Variants in YARS1 observed in about 807,000 individuals in gnomAD.
YARS1 encodes tyrosyl-tRNA synthetase 1, also known as tyrosine--tRNA ligase, cytoplasmic.
Under a neutral mutation model 62.2 loss-of-function variants are expected in YARS1, and 36 were observed. The ratio of observed to expected loss-of-function variants is 0.58; its 90% confidence interval spans 0.44 to 0.76. The LOEUF (loss-of-function observed/expected upper bound fraction) is 0.76. Among genes scored for constraint, YARS1 ranks in the 30% least tolerant of loss-of-function variants. The pLI is 0.00. For missense variants in YARS1, 524 were observed against 639.8 expected (o/e 0.82, Z 1.95); for synonymous variants, 234 against 244.9 (o/e 0.96, Z 0.42).
chr1:32,787,726 G>A (rs933667420), intron 6 of YARS1, among the ~76,000 whole-genome samples: 8 of 152,110 alleles, frequency 5.3e-5, no homozygotes, highest in African/African-American at 1.9e-4. Flanking sequence ...TGGTAGCCAG[G>A]ATGGTCTCGA....
intron 4 of YARS1, among the ~76,000 whole-genome samples, chr1:32,804,681 C>T (rs1425148201): frequency 2.0e-5 from 3 of 151,200 alleles, no homozygotes; most frequent in African/African-American, 2.4e-5. Flanking sequence ...GATGGGCAGC[C>T]GGGCAGAGAC....
At chr1:32,802,654 G>C (rs771861264) in intron 4 of YARS1, among the ~76,000 whole-genome samples, 2 of 152,148 alleles carry the variant, frequency 1.3e-5, no homozygotes, top group Admixed American at 1.3e-4. Context: ...TAGGTGATCA[G>C]GTGCACTGTC....
intron 11 of YARS1, chr1:32,779,873 A>G: frequency 1.5e-6 from 1 of 656,796 alleles, no homozygotes; most frequent in Non-Finnish European, 2.6e-6. Context: ...TGAGCCCTCC[A>G]TTTCTATTTT....
Position 32,786,966 on chromosome 1 carries a change from T to C in YARS1, c.794A>G (p.Lys265Arg). ...VENNGVLSFI[K>R]HVLFPLKSEF... ...GGACTTAAGGGGAAAAAGGACATGC[T>C]TGATGAAGGACAGAACCCCATTGTT... The change falls in exon 7 of 13, where the codon AAG becomes AGG. Residue 265 changes from lysine (K) to arginine (R), a missense_variant. By Grantham distance (26) the Lys-to-Arg change is conservative. Transcript: ENST00000373477. 6.2e-7 allele frequency: 1 copy of C among 1,614,140 alleles called. No homozygotes were observed. Among genetic ancestry groups the C allele is most frequent in the Non-Finnish European group, 8.5e-7 (1 of 1,180,024 alleles).
At position 32,775,707 on chromosome 1, in the gene YARS1, C is replaced by G. The variant is rs2148597220; in HGVS notation, c.*274G>C. 1 of 528,610 alleles carries G rather than the reference C, an allele frequency of 1.9e-6. No individual in the cohort carries two copies. The highest frequency in any genetic ancestry group is 3.2e-5 in the East Asian group (1 of 31,434). 32.7% of individuals were successfully genotyped at this position (528,610 alleles called of 1,614,324 possible). A position where few individuals can be genotyped will look rare whatever the true frequency, so the allele number is the denominator to read the frequency against. On this transcript the variant is annotated 3_prime_UTR_variant, in exon 13 of 13. Transcript: ENST00000373477. ...AATTTTTAAATGAGTTATATTGAAA[C>G]CAGATTTCTCCAGCTGCCAAGGGAA...
At position 32,816,993 on chromosome 1, in the gene YARS1, T is replaced by C. The variant is rs912976930; in HGVS notation, c.57+195A>G. The C allele has an allele frequency of 1.2e-5, 8 of 688,678 alleles. No homozygotes were observed. In the African/African-American group the frequency reaches 1.4e-4, roughly 12 times the overall value. 42.7% of individuals were successfully genotyped at this position (688,678 alleles called of 1,614,324 possible). On this transcript the variant is annotated intron_variant, in intron 1 of 12. Transcript: ENST00000373477. Reference sequence around the variant, plus strand: ...AACTGGACGCAAGAGGTGAGCCCACTGTGATTTCTGGGGAACCCAGGGAAG... The same window carrying C: ...AACTGGACGCAAGAGGTGAGCCCACCGTGATTTCTGGGGAACCCAGGGAAG...
chr1:32,782,835 C>T, intron 8 of YARS1: 1 of 392,016 alleles, frequency 2.6e-6, no homozygotes, highest in Non-Finnish European at 4.8e-6. Flanking sequence ...CACAGACCAA[C>T]TGGTATTTAC....
intron 5 of YARS1, among the ~76,000 whole-genome samples, chr1:32,791,694 C>T (rs532461972): frequency 2.7e-4 from 41 of 152,060 alleles, no homozygotes; most frequent in African/African-American, 9.4e-4. Context: ...CCCAGCTACT[C>T]GGGAGGCTGA....
intron 5 of YARS1, among the ~76,000 whole-genome samples, 155 bp from the exon 6 acceptor site, chr1:32,791,409 A>C (rs1653408054): frequency 1.3e-5 from 2 of 152,210 alleles, no homozygotes; most frequent in South Asian, 4.1e-4. Flanking sequence ...CTGTAATTCA[A>C]GCGAAGTTTT....
In YARS1 at chr1:32,776,606, GACATCTGTC is replaced by G. The variant is rs1224697674; in HGVS notation, c.1477-524_1477-516del. Among the ~76,000 whole-genome samples the G allele has an allele frequency of 8.5e-5, 13 of 152,194 alleles. No individual in the cohort carries two copies. Among genetic ancestry groups the G allele is most frequent in the African/African-American group, 1.9e-4 (8 of 41,456 alleles). ...CTAAGTGCAAAGGCTTATGCATGAA[GACATCTGTC>G]ACATCTGTCACATCATTCTAACAGT... On this transcript the variant is annotated intron_variant, in intron 12 of 12. Coordinates refer to ENST00000373477, the MANE Select transcript of YARS1 (RefSeq NM_003680.4). The surrounding 1 kb of genome is among the most constrained non-coding windows in gnomAD (Gnocchi z 4.0).
chr1:32,801,014 G>A (rs1361264333), intron 4 of YARS1, among the ~76,000 whole-genome samples: 2 of 152,140 alleles, frequency 1.3e-5, no homozygotes, highest in African/African-American at 2.4e-5. Flanking sequence ...ATATCGCTCT[G>A]AAGTTTATTT....
At chr1:32,811,437 C>A (rs1638583672) in intron 1 of YARS1, 2 of 341,022 alleles carry the variant, frequency 5.9e-6, no homozygotes, top group Admixed American at 4.1e-5. Context: ...GTTGATATTA[C>A]CCTAAGCCCC....
chr1:32,811,311 ACC>A, intron 1 of YARS1: 2 of 534,434 alleles, frequency 3.7e-6, no homozygotes. Flanking sequence ...CCTCTTACCC[ACC>A]CCCCTTCCTC....
At chr1:32,806,801 T>G in intron 3 of YARS1, among the ~76,000 whole-genome samples, 190 bp from the exon 4 acceptor site, 1 of 152,250 alleles carries the variant, frequency 6.6e-6, no homozygotes. Context: ...TATTTAATTA[T>G]GTTCTTGCTT....
rs1365758985 is a variant in YARS1 at position 32,779,467 on chromosome 1, C to T, written c.1391G>A (p.Gly464Asp). ...ATAGCCCTTCACAAACACGTGCTCA[C>T]CAGGAGCAGAGCCTGCCGGAGGGTC... ...PLDPPAGSAP[G>D]EHVFVKGYEK... Residue 464 changes from glycine (G) to aspartate (D), a missense_variant, in exon 12 of 13, where the codon GGT becomes GAT. By Grantham distance (94) the Gly-to-Asp change is moderately conservative. Coordinates refer to ENST00000373477, the MANE Select transcript of YARS1 (RefSeq NM_003680.4). 1 of 1,614,216 alleles carries T rather than the reference C, an allele frequency of 6.2e-7. No homozygotes were observed. The highest frequency in any genetic ancestry group is 8.5e-7 in the Non-Finnish European group (1 of 1,180,050).
At chr1:32,778,976 G>A (rs888476203) in intron 12 of YARS1, among the ~76,000 whole-genome samples, 1 of 151,250 alleles carries the variant, frequency 6.6e-6, no homozygotes, top group Non-Finnish European at 1.5e-5. Flanking sequence ...CTGACCTCAG[G>A]TGATCCGCCT....
chr1:32,779,843 G>C (rs921125616), intron 11 of YARS1: 4 of 616,910 alleles, frequency 6.5e-6, no homozygotes, highest in Non-Finnish European at 1.1e-5. Context: ...CTAGTAGTAA[G>C]ACTTGGGTAT....
rs572158552 is a variant in YARS1 at position 32,803,599 on chromosome 1, A to G, written c.510+2883T>C. The stretch of plus-strand genomic sequence containing the variant: ...TCTAGCTACGAAAGTCCGAGATGGC[A>G]TCTTCTTCCGAAAAAAGGCTATTTC... On this transcript the variant is annotated intron_variant, in intron 4 of 12. Coordinates refer to ENST00000373477, the MANE Select transcript of YARS1 (RefSeq NM_003680.4). Among the ~76,000 whole-genome samples, 3 of 152,296 alleles carry G rather than the reference A, an allele frequency of 2.0e-5. No individual in the cohort carries two copies. In the South Asian group the frequency reaches 6.2e-4, roughly 32 times the overall value.
chr1:32,806,697 CCCTAA>C (rs1353459268), intron 3 of YARS1, 86 bp from the exon 4 acceptor site: 2 of 1,580,212 alleles, frequency 1.3e-6, no homozygotes, highest in East Asian at 2.2e-5. Context: ...TAATTTACTT[CCCTAA>C]CCTTAGTGTA....
Sources: allele counts gnomAD v4.1 joint callset (sites outside exome capture counted in the v4.1 genomes callset), GRCh38; gene constraint gnomAD v4.1.1; non-coding constraint Gnocchi (gnomAD v3.1); transcripts MANE v1.5; gene names NCBI Gene and HGNC (gene_info 2026-07-23, HGNC 2026-07-21).